The following STPG2 variants were observed in gnomAD, a reference collection of about 807,000 sequenced individuals.
STPG2 encodes sperm tail PG-rich repeat containing 2.
In STPG2, 56 loss-of-function variants were observed where a neutral mutation model predicts 54.2. The observed-to-expected ratio is 1.03, with a 90% CI of 0.83 to 1.29. The LOEUF (loss-of-function observed/expected upper bound fraction) is 1.29, where lower values mean the gene tolerates loss of function less well. Among genes scored for constraint, STPG2 ranks in the 50% most tolerant of loss-of-function variants. The pLI is 0.00. For missense variants in STPG2, 596 were observed against 544.9 expected, an observed-to-expected ratio of 1.09 and a Z score of -0.93; for synonymous variants, 200 against 181.8, an observed-to-expected ratio of 1.10 and a Z score of -0.81.
At chr4:97,519,565 T>G (rs968960324) in intron 4 of STPG2, among the ~76,000 whole-genome samples, 2 of 152,062 alleles carry the variant, frequency 1.3e-5, no homozygotes, top group African/African-American at 4.8e-5. Context: ...CTTGTTATCA[T>G]AATGAAGGAC....
intron 5 of STPG2, among the ~76,000 whole-genome samples, chr4:98,098,741 G>A (rs7662389): frequency 0.4 from 60,438 of 151,896 alleles, 12,284 homozygotes; most frequent in Middle Eastern, 0.47. Flanking sequence ...GATTCATAAC[G>A]AGAACATATA....
intron 5 of STPG2, among the ~76,000 whole-genome samples, chr4:98,022,656 A>T (rs1736259735): frequency 6.6e-6 from 1 of 152,126 alleles, no homozygotes; most frequent in South Asian, 2.1e-4. Flanking sequence ...CAGGTACATC[A>T]ATCAGACGTA....
chr4:97,906,907 C>A (rs1490886477), intron 8 of STPG2, among the ~76,000 whole-genome samples: 234 of 151,980 alleles, frequency 1.5e-3, no homozygotes, highest in Middle Eastern at 3.4e-3. Context: ...CACAGCCAAT[C>A]TCATACTGAA....
At chr4:97,453,747 A>G (rs1273223647) in intron 4 of STPG2, among the ~76,000 whole-genome samples, 1 of 152,150 alleles carries the variant, frequency 6.6e-6, no homozygotes, top group African/African-American at 2.4e-5. Context: ...CATTGAAAAC[A>G]ATATACTGGA....
chr4:97,558,507 C>T (rs1004929306), downstream of STPG2, among the ~76,000 whole-genome samples: 16 of 152,284 alleles, frequency 1.1e-4, no homozygotes, highest in Non-Finnish European at 1.6e-4. Context: ...CTCACTTCCC[C>T]TGAAGGAAGC....
In STPG2 at chr4:97,770,167, C is replaced by A. The variant is rs4106941; in HGVS notation, c.1205-57353G>T. Among the ~76,000 whole-genome samples the A allele has an allele frequency of 2.3e-3, 356 of 152,018 alleles. 1 individual carries two copies. Among genetic ancestry groups the A allele is most frequent in the Middle Eastern group, 0.014 (4 of 292 alleles). On this transcript the variant is annotated intron_variant, in intron 9 of 10. Coordinates refer to ENST00000295268, the MANE Select transcript of STPG2 (RefSeq NM_174952.3). ...CAGAGGTTGCAGTGAGCTGAGATCA[C>A]GCCACTGGACTCCAGCCTAGGCGAC...
At chr4:98,084,458 C>A (rs1459602170) in intron 5 of STPG2, among the ~76,000 whole-genome samples, 1 of 152,156 alleles carries the variant, frequency 6.6e-6, no homozygotes, top group Non-Finnish European at 1.5e-5. Flanking sequence ...CATATATTTT[C>A]ATTTCTGTTA....
At chr4:97,486,349 G>A (rs1358406582) in intron 4 of STPG2, among the ~76,000 whole-genome samples, 2 of 151,650 alleles carry the variant, frequency 1.3e-5, no homozygotes, top group Non-Finnish European at 2.9e-5. Flanking sequence ...CCATCAAAAA[G>A]TGGGCTAAGA....
chr4:97,815,752 G>A (rs937861386), intron 9 of STPG2, among the ~76,000 whole-genome samples: 1 of 152,140 alleles, frequency 6.6e-6, no homozygotes, highest in Non-Finnish European at 1.5e-5. Flanking sequence ...GTATGATCTT[G>A]TTATCTTTAT....
chr4:97,992,322 G>C (rs1338386107), intron 5 of STPG2, among the ~76,000 whole-genome samples: 1 of 152,134 alleles, frequency 6.6e-6, no homozygotes, highest in Non-Finnish European at 1.5e-5. Flanking sequence ...CATGTGGCTT[G>C]CCAATTATCC....
rs550247560 is a variant in STPG2 at position 97,957,437 on chromosome 4, C to T, written c.934-13430G>A. On this transcript the variant is annotated intron_variant, in intron 7 of 10. Coordinates refer to ENST00000295268, the MANE Select transcript of STPG2 (RefSeq NM_174952.3). ...CCAAGAAGTCTAGGATTATGTTAAA[C>T]GACCAAACCTAAGAATAATTGAGAA... Among the ~76,000 whole-genome samples, 13 of 151,782 alleles carry T rather than the reference C, an allele frequency of 8.6e-5. No homozygotes were observed. In the South Asian group the frequency reaches 1.5e-3, roughly 17 times the overall value.
chr4:97,862,194 G>A (rs116176475), intron 8 of STPG2, among the ~76,000 whole-genome samples: 1,653 of 151,098 alleles, frequency 0.011, 23 homozygotes, highest in Middle Eastern at 0.024. Context: ...CCTTTATTTT[G>A]AGCCTATGTG....
chr4:97,486,129 C>T (rs1730349906), intron 4 of STPG2, among the ~76,000 whole-genome samples: 1 of 151,644 alleles, frequency 6.6e-6, no homozygotes. Flanking sequence ...GATTTTATGA[C>T]CAAGAACCCC....
chr4:97,904,798 T>C (rs1477111169), intron 8 of STPG2, among the ~76,000 whole-genome samples: 1 of 152,124 alleles, frequency 6.6e-6, no homozygotes, highest in African/African-American at 2.4e-5. Flanking sequence ...GCTTGAGAAC[T>C]ACGTGAAGAA....
chr4:97,817,019 T>C (rs1727939649), intron 9 of STPG2, among the ~76,000 whole-genome samples: 1 of 148,488 alleles, frequency 6.7e-6, no homozygotes, highest in South Asian at 2.1e-4. Context: ...CTATTGGTTC[T>C]GTTTTTCTGG....
intron 8 of STPG2, among the ~76,000 whole-genome samples, chr4:97,908,569 T>C (rs1731543917): frequency 6.6e-6 from 1 of 152,050 alleles, no homozygotes; most frequent in Admixed American, 6.6e-5. Context: ...TGCACACATA[T>C]GTTTATTGCA....
intron 8 of STPG2, among the ~76,000 whole-genome samples, chr4:97,889,304 G>A (rs1352540561): frequency 2.6e-5 from 4 of 152,140 alleles, no homozygotes. Context: ...TGACTTATCA[G>A]TCCTACTGCT....
chr4:97,854,767 G>A (rs1729278254), intron 8 of STPG2, among the ~76,000 whole-genome samples: 1 of 152,022 alleles, frequency 6.6e-6, no homozygotes, highest in African/African-American at 2.4e-5. Context: ...TAAGTTAAGT[G>A]GTACATGTGC....
intron 9 of STPG2, among the ~76,000 whole-genome samples, chr4:97,765,859 T>C (rs538446914): frequency 6.6e-6 from 1 of 152,306 alleles, no homozygotes; most frequent in South Asian, 2.1e-4. Flanking sequence ...ACCCTTTAAA[T>C]ATTTAATGAG....
Sources: allele counts gnomAD v4.1 joint callset (sites outside exome capture counted in the v4.1 genomes callset), GRCh38; gene constraint gnomAD v4.1.1; transcripts MANE v1.5; gene names NCBI Gene and HGNC (gene_info 2026-07-23, HGNC 2026-07-21).